TAFA2: variants seen among roughly 807,000 people sequenced by gnomAD.
TAFA2 encodes the protein TAFA chemokine like family member 2.
TAFA2 carries 7 observed loss-of-function variants against 18.8 expected under a neutral mutation model. The ratio of observed to expected loss-of-function variants is 0.37; its 90% CI spans 0.21 to 0.70. TAFA2 has a LOEUF of 0.70. Ranked by LOEUF, TAFA2 falls within the 30% of genes least tolerant of loss-of-function variation. The probability of loss-of-function intolerance (pLI) is 0.53; values close to 1 mark genes in which losing one functional copy is unlikely to be tolerated. For synonymous variants in TAFA2, 60 were observed against 54.2 expected (o/e 1.11, Z -0.47); for missense variants, 122 against 158.1 (o/e 0.77, Z 1.23).
At chr12:61,815,022 C>A (rs1427520749) in intron 2 of TAFA2, among the ~76,000 whole-genome samples, 2 of 151,484 alleles carry the variant, frequency 1.3e-5, no homozygotes, top group South Asian at 4.1e-4. Flanking sequence ...TTGTGTTGTT[C>A]TAAGTCACCT....
chr12:61,793,944 A>T (rs1450650269), intron 2 of TAFA2, among the ~76,000 whole-genome samples: 3 of 151,984 alleles, frequency 2.0e-5, no homozygotes, highest in African/African-American at 7.2e-5. Context: ...ACTGAAAAAC[A>T]TATCTAATGA....
At chr12:61,762,232 C>A (rs927952926) in intron 2 of TAFA2, among the ~76,000 whole-genome samples, 1 of 152,042 alleles carries the variant, frequency 6.6e-6, no homozygotes, top group African/African-American at 2.4e-5. Context: ...CCTTTCTATG[C>A]CTTCCTGAAG....
intron 1 of TAFA2, among the ~76,000 whole-genome samples, chr12:61,944,586 G>A (rs1452195614): frequency 9.2e-6 from 1 of 109,080 alleles, no homozygotes; most frequent in Non-Finnish European, 1.9e-5. Flanking sequence ...AAAGAGAGAA[G>A]AATCAAATAG....
chr12:62,073,639 T>G (rs1255066364), intron 1 of TAFA2, among the ~76,000 whole-genome samples: 1 of 152,102 alleles, frequency 6.6e-6, no homozygotes, highest in African/African-American at 2.4e-5. Flanking sequence ...CATTGCACAG[T>G]TGGTAAGTGG....
Position 62,185,181 on chromosome 12 carries a change from C to T in TAFA2, c.-2+6078G>A, listed in dbSNP as rs370520755. On this transcript the variant is annotated intron_variant, in intron 1 of 4. Coordinates refer to ENST00000416284, the MANE Select transcript of TAFA2 (RefSeq NM_178539.5). ...CATACATATCTTAGCAGGAAAAAAA[C>T]TGTCATATAACAGTCATTAGATTTA... Among the ~76,000 whole-genome samples the T allele has an allele frequency of 2.6e-5, 4 of 152,182 alleles. No individual in the cohort carries two copies. In the East Asian group the frequency reaches 7.7e-4, roughly 29 times the overall value.
chr12:62,141,412 C>T (rs1015416900), intron 1 of TAFA2, among the ~76,000 whole-genome samples: 1 of 152,166 alleles, frequency 6.6e-6, no homozygotes, highest in African/African-American at 2.4e-5. Flanking sequence ...CACCGTTGGT[C>T]AGGCTCTCCA....
chr12:61,977,916 GAA>G (rs5798628), intron 1 of TAFA2, among the ~76,000 whole-genome samples: 3 of 151,838 alleles, frequency 2.0e-5, no homozygotes, highest in Non-Finnish European at 2.9e-5. Context: ...GAAATAAAGA[GAA>G]AAAAAAAGGA....
intron 2 of TAFA2, among the ~76,000 whole-genome samples, chr12:61,773,972 C>T (rs1312749181): frequency 6.6e-6 from 1 of 152,026 alleles, no homozygotes; most frequent in Admixed American, 6.6e-5. Flanking sequence ...GGACTAATAT[C>T]CAGAGTCTAC....
intron 4 of TAFA2, chr12:61,720,637 C>A (rs1257833560): frequency 8.2e-5 from 20 of 243,796 alleles, no homozygotes; most frequent in Non-Finnish European, 1.7e-4. Flanking sequence ...CTAATGGTAA[C>A]CACAAGAAAG....
intron 1 of TAFA2, among the ~76,000 whole-genome samples, chr12:62,160,862 A>G (rs1162646139): frequency 1.3e-5 from 2 of 152,166 alleles, no homozygotes; most frequent in Non-Finnish European, 2.9e-5. Flanking sequence ...TATCCAGTCC[A>G]GTGCTGGTGC....
At chr12:62,045,181 A>C (rs1408555026) in intron 1 of TAFA2, among the ~76,000 whole-genome samples, 1 of 152,202 alleles carries the variant, frequency 6.6e-6, no homozygotes. Context: ...ACTTCCAAAG[A>C]AATATAAATC....
chr12:61,924,876 T>C (rs1877211597), intron 1 of TAFA2, among the ~76,000 whole-genome samples: 1 of 152,024 alleles, frequency 6.6e-6, no homozygotes, highest in Admixed American at 6.6e-5. Flanking sequence ...AGGCTCAAAA[T>C]AATGGGATGG....
intron 3 of TAFA2, 49 bp from the exon 4 acceptor site, chr12:61,753,795 T>C (rs1353122194): frequency 6.4e-7 from 1 of 1,559,870 alleles, no homozygotes; most frequent in South Asian, 1.2e-5. Flanking sequence ...TTGGGACTTA[T>C]TTCTCTTGTT....
At chr12:61,970,244 T>C (rs1238850913) in intron 1 of TAFA2, among the ~76,000 whole-genome samples, 1 of 151,670 alleles carries the variant, frequency 6.6e-6, no homozygotes, top group African/African-American at 2.4e-5. Context: ...CTGGTAGATA[T>C]CATCAAATCA....
At chr12:62,237,758 T>C (rs373189593) in intron 1 of TAFA2, among the ~76,000 whole-genome samples, 1 of 128,374 alleles carries the variant, frequency 7.8e-6, no homozygotes, top group Non-Finnish European at 1.9e-5. Flanking sequence ...CATTAGATGG[T>C]GCATTAAGCC....
intron 1 of TAFA2, among the ~76,000 whole-genome samples, chr12:62,023,344 AT>A (rs11317453): frequency 0.11 from 16,579 of 152,080 alleles, 1,142 homozygotes; most frequent in East Asian, 0.17. Context: ...GGTGCAGGAA[AT>A]TTTTTATACA....
intron 1 of TAFA2, among the ~76,000 whole-genome samples, chr12:62,157,665 G>A (rs2062380338): frequency 6.6e-6 from 1 of 152,082 alleles, no homozygotes; most frequent in African/African-American, 2.4e-5. Context: ...TGTCTCCTTG[G>A]TATTCCAGTG....
At chr12:62,194,244 G>A (rs2136964114), upstream of TAFA2, among the ~76,000 whole-genome samples, 1 of 151,682 alleles carries the variant, frequency 6.6e-6, no homozygotes, top group South Asian at 2.1e-4. Context: ...TGGAAACTTG[G>A]ACTCTGTACT....
intron 1 of TAFA2, among the ~76,000 whole-genome samples, chr12:62,051,313 A>G (rs898456935): frequency 1.3e-5 from 2 of 152,090 alleles, no homozygotes; most frequent in Non-Finnish European, 1.5e-5. Flanking sequence ...CCAGAAACAA[A>G]TTCCCATGTT....
Sources: allele counts gnomAD v4.1 joint callset (sites outside exome capture counted in the v4.1 genomes callset), GRCh38; gene constraint gnomAD v4.1.1; transcripts MANE v1.5; gene names NCBI Gene and HGNC (gene_info 2026-07-23, HGNC 2026-07-21).